Variants in FBXL18 observed in about 807,000 individuals in gnomAD.
FBXL18 encodes F-box and leucine rich repeat protein 18.
FBXL18 carries 36 observed loss-of-function variants against 46.0 expected under a neutral mutation model. The ratio of observed to expected loss-of-function variants is 0.78; its 90% confidence interval spans 0.60 to 1.03. FBXL18 has a LOEUF of 1.03. Ranked by LOEUF, FBXL18 falls within the 50% of genes least tolerant of loss-of-function variation. The pLI is 0.00. For synonymous variants in FBXL18, 557 were observed against 465.3 expected (o/e 1.20, Z -2.54); for missense variants, 977 against 1,004.1 (o/e 0.97, Z 0.36).
chr7:5,474,744 G>A (rs1358684725), downstream of FBXL18, among the ~76,000 whole-genome samples: 2 of 149,916 alleles, frequency 1.3e-5, no homozygotes, highest in Non-Finnish European at 3.0e-5. Flanking sequence ...GTCTCGCTCT[G>A]TCACCCAGGC....
At chr7:5,458,945 G>A (rs1783208234) in intron 4 of FBXL18, among the ~76,000 whole-genome samples, 1 of 151,224 alleles carries the variant, frequency 6.6e-6, no homozygotes, top group Non-Finnish European at 1.5e-5. Flanking sequence ...CCAGGAGTTT[G>A]AGACCAGCCT....
chr7:5,474,679 CTTTATTTTTTATTTATTTA>C (rs769253422), downstream of FBXL18, among the ~76,000 whole-genome samples: 412 of 129,794 alleles, frequency 3.2e-3, 3 homozygotes, highest in Middle Eastern at 4.1e-3. Context: ...AAATTATGCA[CTTTATTTTTTATTTATTTA>C]TTTATTTATT....
intron 3 of FBXL18, among the ~76,000 whole-genome samples, chr7:5,492,620 G>A (rs1003957348): frequency 6.6e-6 from 1 of 152,040 alleles, no homozygotes; most frequent in Non-Finnish European, 1.5e-5. Context: ...GGTTTGTTGC[G>A]GATGCAAGGG....
chr7:5,491,997 G>A (rs193154207), intron 3 of FBXL18, among the ~76,000 whole-genome samples: 122 of 151,634 alleles, frequency 8.0e-4, no homozygotes, highest in African/African-American at 2.8e-3. Flanking sequence ...CCAGATGGGG[G>A]CCACTTCAGC....
chr7:5,496,455 C>T lies in FBXL18; in HGVS notation c.1781+4033G>A, dbSNP rs1319471595. ...TTGTCACGTGTGCCCCAGCCCAATC[C>T]GTGGGCTCACCTGGATCCATAGGTG... On this transcript the variant is annotated intron_variant, in intron 3 of 4. Coordinates refer to ENST00000382368, the MANE Select transcript of FBXL18 (RefSeq NM_024963.6). The surrounding 1 kb of genome is among the most constrained non-coding windows in gnomAD (Gnocchi z 4.8). Among the ~76,000 whole-genome samples the T allele has an allele frequency of 6.7e-6, 1 of 150,020 alleles. No individual in the cohort carries two copies. The highest frequency in any genetic ancestry group is 1.5e-5 in the Non-Finnish European group (1 of 67,568).
At chr7:5,508,856 G>C (rs1366058776) in intron 1 of FBXL18, among the ~76,000 whole-genome samples, 1 of 152,102 alleles carries the variant, frequency 6.6e-6, no homozygotes, top group Non-Finnish European at 1.5e-5. Context: ...AGCTCACGTG[G>C]TAAGAATGAG....
intron 4 of FBXL18, among the ~76,000 whole-genome samples, chr7:5,461,138 G>A (rs1185797186): frequency 2.0e-5 from 3 of 152,220 alleles, no homozygotes; most frequent in South Asian, 2.1e-4. Context: ...GCAGGTGGCT[G>A]CAAACACAGC....
At position 5,468,140 on chromosome 7, in the gene FBXL18, A is replaced by G. The variant is rs532626081; in HGVS notation, c.2001-20297T>C. Among the ~76,000 whole-genome samples, 53 of 151,914 alleles carry G rather than the reference A, an allele frequency of 3.5e-4. No homozygotes were observed. The East Asian group carries it at 5.6e-3, about 16-fold the overall frequency. ...TGGGACTACAGGCGCCCGCCACCAC[A>G]CCCAGCTAATTTTTCTGTATTTTTA... is the stretch of plus-strand genomic sequence containing the variant. On this transcript the variant is annotated intron_variant and NMD_transcript_variant, in intron 4 of 6. Transcript: ENST00000415009.
intron 1 of FBXL18, among the ~76,000 whole-genome samples, chr7:5,512,144 C>T (rs1784553474): frequency 6.7e-6 from 1 of 149,962 alleles, no homozygotes; most frequent in African/African-American, 2.5e-5. Flanking sequence ...ACTCGGGAGG[C>T]TGAGGCAGAA....
chr7:5,474,663 G>A (rs114315905), downstream of FBXL18, among the ~76,000 whole-genome samples: 2 of 123,792 alleles, frequency 1.6e-5, no homozygotes, highest in Non-Finnish European at 3.3e-5. Context: ...AAAATCCTCC[G>A]CTGGCAAATT....
intron 1 of FBXL18, among the ~76,000 whole-genome samples, chr7:5,507,339 T>A (rs1159104435): frequency 6.6e-6 from 1 of 152,110 alleles, no homozygotes; most frequent in Non-Finnish European, 1.5e-5. Context: ...AGGATTCCCA[T>A]CCTGCTAAGC....
intron 3 of FBXL18, among the ~76,000 whole-genome samples, chr7:5,499,737 A>C (rs945018481): frequency 6.7e-6 from 1 of 149,784 alleles, no homozygotes; most frequent in Non-Finnish European, 1.5e-5. Flanking sequence ...GTCTCAAAAA[A>C]AAAAAAAGAA....
chr7:5,469,041 C>T (rs562609972), intron 4 of FBXL18, among the ~76,000 whole-genome samples: 5 of 152,056 alleles, frequency 3.3e-5, no homozygotes, highest in African/African-American at 7.2e-5. Context: ...GGAGACTGTG[C>T]GTGAGCAGTG....
At chr7:5,497,030 CAAAAA>C (rs34719109) in intron 3 of FBXL18, among the ~76,000 whole-genome samples, 1 of 69,480 alleles carries the variant, frequency 1.4e-5, no homozygotes, top group East Asian at 4.8e-4. Flanking sequence ...GACTCTGTCT[CAAAAA>C]AAAAAAAAAA....
At chr7:5,507,067 G>C (rs1220258371) in intron 1 of FBXL18, among the ~76,000 whole-genome samples, 1 of 152,182 alleles carries the variant, frequency 6.6e-6, no homozygotes, top group Non-Finnish European at 1.5e-5. Context: ...TCTCTGTAAA[G>C]ACCACGCCGA....
At chr7:5,509,705 A>T (rs1784481189) in intron 1 of FBXL18, among the ~76,000 whole-genome samples, 1 of 149,958 alleles carries the variant, frequency 6.7e-6, no homozygotes. Context: ...CCATCTCAAA[A>T]AAAAAAAAAA....
At chr7:5,460,199 A>G (rs1783224152) in intron 4 of FBXL18, among the ~76,000 whole-genome samples, 1 of 152,070 alleles carries the variant, frequency 6.6e-6, no homozygotes. Flanking sequence ...GGTTGCAGTG[A>G]GCCAAGATCG....
At chr7:5,498,170 A>C (rs903976582) in intron 3 of FBXL18, among the ~76,000 whole-genome samples, 2 of 147,456 alleles carry the variant, frequency 1.4e-5, no homozygotes, top group South Asian at 2.1e-4. Context: ...TCACTGCAAG[A>C]TCCGCCTCCC....
Position 5,501,760 on chromosome 7 carries a change from A to T in FBXL18, c.509T>A (p.Leu170Gln). The T allele has an allele frequency of 6.4e-7, 1 of 1,559,116 alleles. No individual in the cohort carries two copies. Among genetic ancestry groups the T allele is most frequent in the Non-Finnish European group, 8.7e-7 (1 of 1,151,104 alleles). The change falls in exon 3 of 5, where the codon CTG (leucine) becomes CAG (glutamine). Residue 170 changes from leucine to glutamine, a missense_variant. Transcript: ENST00000382368. ...SQLSSECKAT[L>Q]SRVRELKQTL... ...CTGCTTGAGCTCCCGCACGCGGCTC[A>T]GGGTGGCCTTGCACTCGCTGCTCAG...
Sources: allele counts gnomAD v4.1 joint callset (sites outside exome capture counted in the v4.1 genomes callset), GRCh38; gene constraint gnomAD v4.1.1; non-coding constraint Gnocchi (gnomAD v3.1); transcripts MANE v1.5; gene names NCBI Gene and HGNC (gene_info 2026-07-23, HGNC 2026-07-21).